The following MYBPC1 variants were observed in gnomAD, a reference collection of about 807,000 sequenced individuals.
MYBPC1 encodes the protein myosin binding protein C1.
Under a neutral mutation model 147.1 loss-of-function variants are expected in MYBPC1, and 52 were observed. The ratio of observed to expected loss-of-function variants is 0.35; its 90% CI spans 0.28 to 0.45. MYBPC1 has a LOEUF of 0.45. MYBPC1 is among the 20% of genes least tolerant of loss of function. The probability of loss-of-function intolerance (pLI) is 1.00; values close to 1 mark genes in which losing one functional copy is unlikely to be tolerated. For missense variants in MYBPC1, 1,228 were observed against 1,440.3 expected (o/e 0.85, Z 2.39); for synonymous variants, 477 against 475.9 (o/e 1.00, Z -0.03).
Position 101,662,551 on chromosome 12 carries a change from G to T in MYBPC1, c.2221+5G>T. 1.9e-6 allele frequency: 3 copies of T among 1,613,862 alleles called. No individual in the cohort carries two copies. The highest frequency in any genetic ancestry group is 2.5e-6 in the Non-Finnish European group (3 of 1,179,758). ...CCAGGCCTTTTGTTCCTTTGGGTAAGTCAAGAGAGATGAGTCTTTGTCATC... is the reference window on the plus strand; with the variant it reads ...CCAGGCCTTTTGTTCCTTTGGGTAATTCAAGAGAGATGAGTCTTTGTCATC... On this transcript the variant is annotated splice_donor_5th_base_variant and intron_variant, in intron 21 of 31. Transcript: ENST00000361466.
chr12:101,642,453 G>A lies in MYBPC1; in HGVS notation c.700G>A (p.Asp234Asn). The A allele has an allele frequency of 6.2e-7, 1 of 1,614,140 alleles. No homozygotes were observed. Among genetic ancestry groups the A allele is most frequent in the Non-Finnish European group, 8.5e-7 (1 of 1,180,030 alleles). Residue 234 changes from aspartate (D) to asparagine (N), a missense_variant, in exon 11 of 32, where the codon GAC becomes AAC. Physicochemically the swap from Asp to Asn is conservative, Grantham distance 23. This residue lies in a region of MYBPC1 where 1,077 missense variants were observed against 1,314.2 expected (regional missense o/e 0.82). Coordinates refer to ENST00000361466, the MANE Select transcript of MYBPC1 (RefSeq NM_002465.4). ...VKQQEEEPQVDVWELLKNAKP... is the reference protein window; with the variant it reads ...VKQQEEEPQVNVWELLKNAKP... ...GCAGCAGGAGGAAGAACCCCAGGTG[G>A]ACGTATGGGAGTTGCTGAAGAACGC...
chr12:101,636,830 C>A, intron 10 of MYBPC1, 102 bp downstream of exon 10: 2 of 975,790 alleles, frequency 2.0e-6, no homozygotes, highest in Non-Finnish European at 3.2e-6. Context: ...GAGAATTTTT[C>A]ATTTCTGAAA....
At chr12:101,604,359 A>G (rs552919066) in intron 1 of MYBPC1, among the ~76,000 whole-genome samples, 17 of 152,226 alleles carry the variant, frequency 1.1e-4, no homozygotes, top group African/African-American at 4.8e-5. Context: ...GAGTCATTGA[A>G]TATTTACATG....
At position 101,637,335 on chromosome 12, in the gene MYBPC1, T is replaced by C. The variant is rs1486551487; in HGVS notation, c.665+607T>C. Among the ~76,000 whole-genome samples, 6 of 152,032 alleles carry C rather than the reference T, an allele frequency of 3.9e-5. No individual in the cohort carries two copies. The South Asian group carries it at 1.3e-3, about 32-fold the overall frequency. ...TATCATCACACACTGACACTTTTCA[T>C]TGTTCTCTCCTGCAATAAAATTTAT... On this transcript the variant is annotated intron_variant, in intron 10 of 31. Coordinates refer to ENST00000361466, the MANE Select transcript of MYBPC1 (RefSeq NM_002465.4).
At chr12:101,650,372 A>G (rs1894178239) in intron 15 of MYBPC1, among the ~76,000 whole-genome samples, 1 of 152,198 alleles carries the variant, frequency 6.6e-6, no homozygotes, top group South Asian at 2.1e-4. Context: ...CTATAAAGGA[A>G]AAAGCTTCAG....
At chr12:101,664,233 A>C (rs1471757722) in intron 22 of MYBPC1, among the ~76,000 whole-genome samples, 2 of 152,238 alleles carry the variant, frequency 1.3e-5, no homozygotes, top group Admixed American at 6.5e-5. Context: ...AAAAAATGAC[A>C]GAAGAAAATA....
chr12:101,619,923 T>C (rs765527584), intron 3 of MYBPC1, among the ~76,000 whole-genome samples: 4 of 152,062 alleles, frequency 2.6e-5, no homozygotes, highest in Non-Finnish European at 4.4e-5. Context: ...CCACAGAGAG[T>C]AGATTCTAGA....
At chr12:101,625,546 T>C (rs2135972681) in intron 3 of MYBPC1, among the ~76,000 whole-genome samples, 1 of 152,382 alleles carries the variant, frequency 6.6e-6, no homozygotes, top group Middle Eastern at 3.4e-3. Context: ...CTGTTACTAA[T>C]ACTCTTAATT....
chr12:101,621,229 T>G (rs991535610), intron 3 of MYBPC1, among the ~76,000 whole-genome samples: 5 of 152,216 alleles, frequency 3.3e-5, no homozygotes, highest in African/African-American at 1.2e-4. Flanking sequence ...CTAATTACAT[T>G]ACTTCTTTGT....
intron 1 of MYBPC1, among the ~76,000 whole-genome samples, chr12:101,603,751 A>C (rs10778128): frequency 2.6e-5 from 4 of 152,140 alleles, no homozygotes; most frequent in East Asian, 3.9e-4. Context: ...AGACCAGCCC[A>C]AGCAACATGG....
intron 31 of MYBPC1, 95 bp downstream of exon 31, chr12:101,684,519 A>C: frequency 1.1e-6 from 1 of 946,618 alleles, no homozygotes; most frequent in African/African-American, 1.6e-5. Flanking sequence ...TACATAATCC[A>C]ATGAAAATAG....
intron 11 of MYBPC1, among the ~76,000 whole-genome samples, chr12:101,644,264 T>C (rs1339978960): frequency 6.6e-6 from 1 of 152,132 alleles, no homozygotes; most frequent in Non-Finnish European, 1.5e-5. Context: ...TTCGATCTCC[T>C]GGCCTCAAGT....
At chr12:101,619,065 A>G (rs1886806065) in intron 3 of MYBPC1, among the ~76,000 whole-genome samples, 1 of 152,104 alleles carries the variant, frequency 6.6e-6, no homozygotes, top group Admixed American at 6.6e-5. Context: ...CAGAGAAAAT[A>G]CCTATGCAAA....
chr12:101,644,945 T>C, intron 12 of MYBPC1, 149 bp downstream of exon 12: 1 of 828,466 alleles, frequency 1.2e-6, no homozygotes, highest in Non-Finnish European at 2.0e-6. Context: ...TCACATTTTA[T>C]TTATTAGGGA....
rs576051191 is a variant in MYBPC1, at chr12:101,656,313, AAAT to A, written c.1767+3071_1767+3073del. 4.6e-5 allele frequency among the ~76,000 whole-genome samples: 7 copies of A among 152,300 alleles called. No homozygotes were observed. In the East Asian group the frequency reaches 7.7e-4, roughly 17 times the overall value. On this transcript the variant is annotated intron_variant, in intron 18 of 31. Transcript: ENST00000361466. ...ACAAAGAAGAAGGGCAACCAATAGA[AAAT>A]AATAACAAATATGACAGATATTGAT...
chr12:101,617,749 A>T (rs772301133), intron 3 of MYBPC1, among the ~76,000 whole-genome samples: 1 of 152,198 alleles, frequency 6.6e-6, no homozygotes, highest in Non-Finnish European at 1.5e-5. Flanking sequence ...CATTAAGAAG[A>T]CATGTTGCCC....
intron 12 of MYBPC1, among the ~76,000 whole-genome samples, chr12:101,645,559 C>A (rs3794278): frequency 0.14 from 21,754 of 152,202 alleles, 1,773 homozygotes; most frequent in Middle Eastern, 0.27. Context: ...TTTCCAATTT[C>A]TTAATGTGGT....
chr12:101,667,469 T>C (rs1262455339), intron 22 of MYBPC1, among the ~76,000 whole-genome samples: 1 of 152,220 alleles, frequency 6.6e-6, no homozygotes, highest in Non-Finnish European at 1.5e-5. Flanking sequence ...GATGCTTTCA[T>C]GCTGAATAAA....
At chr12:101,608,221 G>A (rs1417135198) in intron 1 of MYBPC1, among the ~76,000 whole-genome samples, 4 of 152,182 alleles carry the variant, frequency 2.6e-5, no homozygotes, top group Admixed American at 2.0e-4. Flanking sequence ...AAGAACAGCC[G>A]CCCTTGCCCA....
Sources: allele counts gnomAD v4.1 joint callset (sites outside exome capture counted in the v4.1 genomes callset), GRCh38; gene constraint gnomAD v4.1.1; regional missense constraint gnomAD v4.1.1; transcripts MANE v1.5; gene names NCBI Gene and HGNC (gene_info 2026-07-23, HGNC 2026-07-21).